SYNJ2: variants seen among roughly 807,000 people sequenced by gnomAD.
SYNJ2 encodes synaptojanin 2.
In SYNJ2, 116 loss-of-function variants were observed where a neutral mutation model predicts 141.3. The ratio of observed to expected loss-of-function variants is 0.82; its 90% CI spans 0.71 to 0.96. SYNJ2 has a LOEUF of 0.96. Ranked by LOEUF, SYNJ2 falls within the 40% of genes least tolerant of loss-of-function variation. The pLI is 0.00. For missense variants in SYNJ2, 1,873 were observed against 1,934.8 expected (o/e 0.97, Z 0.60); for synonymous variants, 745 against 777.7 (o/e 0.96, Z 0.70).
At chr6:158,077,285 C>T (rs766613726) in intron 17 of SYNJ2, among the ~76,000 whole-genome samples, 2 of 152,194 alleles carry the variant, frequency 1.3e-5, no homozygotes, top group Non-Finnish European at 1.5e-5. Flanking sequence ...TAAGCCACTG[C>T]GCCTGGCCTC....
intron 4 of SYNJ2, among the ~76,000 whole-genome samples, chr6:158,042,563 C>T (rs1229846193): frequency 1.3e-5 from 2 of 152,248 alleles, no homozygotes; most frequent in South Asian, 2.1e-4. Context: ...CGCTCAGGAT[C>T]GTACTTCTTG....
intron 2 of SYNJ2, among the ~76,000 whole-genome samples, chr6:158,023,049 A>G (rs748458321): frequency 2.6e-5 from 4 of 152,146 alleles, no homozygotes; most frequent in Non-Finnish European, 5.9e-5. Flanking sequence ...TAGAAGTTCA[A>G]GACCAGCCTG....
chr6:158,092,111 TAAA>T (rs35903216), intron 25 of SYNJ2, among the ~76,000 whole-genome samples: 1 of 148,408 alleles, frequency 6.7e-6, no homozygotes, highest in Non-Finnish European at 1.5e-5. Flanking sequence ...ATAAAGCTGT[TAAA>T]AAAAAAAAAA....
chr6:158,016,283 T>G lies in SYNJ2; in HGVS notation c.128-921T>G, dbSNP rs1778451570. 2.6e-5 allele frequency among the ~76,000 whole-genome samples: 4 copies of G among 152,040 alleles called. No individual in the cohort carries two copies. In the South Asian group the frequency reaches 8.3e-4, roughly 32 times the overall value. ...CGTGTGCCACCACGCCCAGCTAATT[T>G]TTGTATTTTTAGTAGAGATAGGGTT... On this transcript the variant is annotated intron_variant, in intron 1 of 26. Transcript: ENST00000355585.
chr6:158,035,972 A>G (rs1257696067), intron 4 of SYNJ2, among the ~76,000 whole-genome samples: 1 of 152,144 alleles, frequency 6.6e-6, no homozygotes, highest in Non-Finnish European at 1.5e-5. Context: ...TCCAAGAAAA[A>G]AAAAAAAAAC....
chr6:158,082,184 T>TA (rs1463140582), intron 20 of SYNJ2, among the ~76,000 whole-genome samples: 1 of 152,050 alleles, frequency 6.6e-6, no homozygotes, highest in African/African-American at 2.4e-5. Context: ...CTGTCTCTAG[T>TA]AAAAATACAA....
upstream of SYNJ2, among the ~76,000 whole-genome samples, chr6:157,981,535 G>C (rs2128311238): frequency 6.6e-6 from 1 of 152,144 alleles, no homozygotes; most frequent in Non-Finnish European, 1.5e-5. The surrounding 1 kb of genome is among the most constrained non-coding windows in gnomAD (Gnocchi z 6.4). Context: ...CAGCCTGGCG[G>C]ACTCCCGGGC....
At chr6:158,033,777 A>G in intron 4 of SYNJ2, 97 bp downstream of exon 4, 1 of 1,265,668 alleles carries the variant, frequency 7.9e-7, no homozygotes, top group African/African-American at 1.5e-5. Flanking sequence ...GCCCTGGCAT[A>G]TTTGTGGTGG....
intron 1 of SYNJ2, among the ~76,000 whole-genome samples, chr6:157,987,026 G>A (rs184960710): frequency 5.5e-4 from 83 of 151,476 alleles, no homozygotes; most frequent in Admixed American, 1.4e-3. Context: ...TTGCTCTGTC[G>A]CCCAGCTGGG....
At chr6:158,079,739 C>T (rs942426996) in intron 18 of SYNJ2, among the ~76,000 whole-genome samples, 1 of 152,168 alleles carries the variant, frequency 6.6e-6, no homozygotes, top group African/African-American at 2.4e-5. Flanking sequence ...GAGGAATCTT[C>T]AGATATGTGA....
intron 6 of SYNJ2, among the ~76,000 whole-genome samples, chr6:158,057,137 G>A (rs1780916551): frequency 6.6e-6 from 1 of 152,126 alleles, no homozygotes; most frequent in Admixed American, 6.5e-5. Context: ...AGATGAGAAG[G>A]ATGCTTCCAA....
At chr6:158,060,130 C>G (rs940816477) in intron 7 of SYNJ2, among the ~76,000 whole-genome samples, 1 of 152,186 alleles carries the variant, frequency 6.6e-6, no homozygotes, top group African/African-American at 2.4e-5. Context: ...TGCTTGCCGG[C>G]TGGCCTTCAA....
rs546125777 is a variant in SYNJ2, at chr6:158,089,824, C to T, written c.3457-15C>T. On this transcript the variant is annotated splice_polypyrimidine_tract_variant and intron_variant, in intron 24 of 26. Transcript: ENST00000355585. ...CCTCTGCTGATACTCTGCTCTTCCTCATTCTGTCCTCAAGCCCAAGGCTCG... is the reference window on the plus strand; with the variant it reads ...CCTCTGCTGATACTCTGCTCTTCCTTATTCTGTCCTCAAGCCCAAGGCTCG... 2.5e-6 allele frequency: 4 copies of T among 1,603,542 alleles called. No individual in the cohort carries two copies. The highest frequency in any genetic ancestry group is 2.2e-5 in the East Asian group (1 of 44,750).
chr6:158,052,677 G>A (rs543516676), intron 5 of SYNJ2, among the ~76,000 whole-genome samples: 2 of 152,276 alleles, frequency 1.3e-5, no homozygotes, highest in Admixed American at 1.3e-4. Context: ...AGCTATTAAT[G>A]AGGGATCTGT....
rs1783243193 is a variant in SYNJ2 at position 158,088,713 on chromosome 6, C to A, written c.3397C>A (p.His1133Asn). 3.1e-6 allele frequency: 5 copies of A among 1,614,080 alleles called. No individual in the cohort carries two copies. The highest frequency in any genetic ancestry group is 1.7e-5 in the Admixed American group (1 of 60,024). ...ASDASISSGT[H>N]GQYSILQTAR... is the part of the protein sequence containing the mutation. ...AGATGCGTCCATCTCCTCCGGCACC[C>A]ATGGACAGTATTCAATTTTGCAGAC... is the stretch of plus-strand genomic sequence containing the variant. The change falls in exon 24 of 27, where the codon CAT becomes AAT. Residue 1133 changes from histidine (H) to asparagine (N), a missense_variant. His to Asn is a moderately conservative substitution (Grantham distance 68). Transcript: ENST00000355585.
chr6:158,050,305 G>C (rs1780497340), intron 5 of SYNJ2, among the ~76,000 whole-genome samples: 1 of 152,232 alleles, frequency 6.6e-6, no homozygotes, highest in Admixed American at 6.5e-5. Flanking sequence ...ATCTGGGGTA[G>C]GCCCAGGACT....
chr6:158,059,146 T>C (rs1322853677), intron 6 of SYNJ2, 111 bp from the exon 7 acceptor site: 19 of 1,165,656 alleles, frequency 1.6e-5, no homozygotes, highest in Non-Finnish European at 2.1e-5. Context: ...TCCTGGACTG[T>C]GGCACTAAGA....
intron 2 of SYNJ2, among the ~76,000 whole-genome samples, chr6:158,021,617 G>T (rs1778775842): frequency 6.6e-6 from 1 of 152,182 alleles, no homozygotes; most frequent in African/African-American, 2.4e-5. Flanking sequence ...TGAGCTGGAA[G>T]GCCAGGCTGT....
rs1781715109 is a variant in SYNJ2, at chr6:158,068,653, G to A, written c.1724G>A (p.Ser575Asn). ...CTCTTGCCTTGCTCCCCAGATGACAGCAGCCCAGCTGACATATTTGCTGTG... is the reference window on the plus strand; with the variant it reads ...CTCTTGCCTTGCTCCCCAGATGACAACAGCCCAGCTGACATATTTGCTGTG... ...LSGATDSQDD[S>N]SPADIFAVGF... The change falls in exon 13 of 27, where the codon AGC (serine) becomes AAC (asparagine). Residue 575 changes from serine to asparagine, a missense_variant. Coordinates refer to ENST00000355585, the MANE Select transcript of SYNJ2 (RefSeq NM_003898.4). 1 of 1,614,146 alleles carries A rather than the reference G, an allele frequency of 6.2e-7. No individual in the cohort carries two copies.
Sources: allele counts gnomAD v4.1 joint callset (sites outside exome capture counted in the v4.1 genomes callset), GRCh38; gene constraint gnomAD v4.1.1; non-coding constraint Gnocchi (gnomAD v3.1); transcripts MANE v1.5; gene names NCBI Gene and HGNC (gene_info 2026-07-23, HGNC 2026-07-21).